TMEM39A: variants seen among roughly 807,000 people sequenced by gnomAD.
TMEM39A encodes the protein suppressor of SQST-1 aggregates in rpl-43 mutants.
TMEM39A carries 19 observed loss-of-function variants against 51.9 expected under a neutral mutation model. That is an observed-to-expected ratio of 0.37 (90% confidence interval 0.26 to 0.54). The LOEUF is 0.54. Among genes scored for constraint, TMEM39A ranks in the 20% least tolerant of loss-of-function variants. TMEM39A has a pLI of 0.88. For missense variants in TMEM39A, 433 were observed against 590.5 expected (o/e 0.73, Z 2.76); for synonymous variants, 197 against 220.2 (o/e 0.89, Z 0.93).
In TMEM39A at chr3:119,458,212, G is replaced by C; in HGVS notation, c.142C>G (p.Pro48Ala). Residue 48 changes from proline to alanine, a missense_variant, in exon 3 of 9, where the codon CCA becomes GCA. Pro to Ala is a conservative substitution (Grantham distance 27). This residue lies in a region of TMEM39A where 170 missense variants were observed against 239.8 expected (regional missense o/e 0.71). Coordinates refer to ENST00000319172, the MANE Select transcript of TMEM39A (RefSeq NM_018266.3). ...GGGGTGATTAAGGCTGTGATAGGTG[G>C]GACTGGAAGGCCAATAGCACTACCA... ...RNGSAIGLPV[P>A]PITALITPGP... 2.4e-5 allele frequency: 38 copies of C among 1,614,040 alleles called. No homozygotes were observed. The highest frequency in any genetic ancestry group is 3.2e-5 in the Non-Finnish European group (38 of 1,180,024).
intron 4 of TMEM39A, among the ~76,000 whole-genome samples, chr3:119,450,944 C>T (rs1266872735): frequency 6.6e-6 from 1 of 150,898 alleles, no homozygotes. Flanking sequence ...AGGTAGAAAT[C>T]CCAGTTTTGA....
intron 2 of TMEM39A, among the ~76,000 whole-genome samples, chr3:119,458,453 A>C (rs1444433153): frequency 6.6e-6 from 1 of 152,100 alleles, no homozygotes; most frequent in Non-Finnish European, 1.5e-5. Flanking sequence ...GAAGACTATA[A>C]TTTCTCTCCA....
rs146728582 is a variant in TMEM39A, at chr3:119,432,201, C to T, written c.1247G>A (p.Arg416Gln). The change falls in exon 9 of 9, where the codon CGA becomes CAA. Residue 416 changes from arginine to glutamine, a missense_variant. Arg to Gln is a conservative substitution (Grantham distance 43). This residue lies in a region of TMEM39A where 223 missense variants were observed against 328.1 expected (regional missense o/e 0.68). Transcript: ENST00000319172. Reference protein sequence around the residue: ...SHARFYFLFHRPLRLLNLLIL... With the variant: ...SHARFYFLFHQPLRLLNLLIL... ...GAGCAGATTTAACAGCCTTAATGGT[C>T]GATGAAATAAGAACTGTAAGGAAGT... 1.8e-4 allele frequency: 281 copies of T among 1,605,418 alleles called. No homozygotes were observed. The African/African-American group carries it at 3.4e-3, about 19-fold the overall frequency.
chr3:119,434,970 A>G, intron 7 of TMEM39A, 88 bp from the exon 8 acceptor site: 1 of 1,511,142 alleles, frequency 6.6e-7, no homozygotes, highest in Non-Finnish European at 8.9e-7. Context: ...TTATGGAAGG[A>G]ATTAAATAAT....
chr3:119,436,749 A>G (rs770947227), intron 7 of TMEM39A, 42 bp downstream of exon 7: 1 of 1,544,218 alleles, frequency 6.5e-7, no homozygotes, highest in East Asian at 2.3e-5. Flanking sequence ...GATCAGCAGC[A>G]TGTAGAAAGT....
rs1202454836 is a variant in TMEM39A at position 119,462,089 on chromosome 3, C to A, written c.-15G>T. On this transcript the variant is annotated 5_prime_UTR_variant, in exon 2 of 9. Transcript: ENST00000319172. ...CCACCGGGCATGTCCAGGAACCAGTCTGCTTCCAGTGCCACCTGTAGTTGC... is the reference window on the plus strand; with the variant it reads ...CCACCGGGCATGTCCAGGAACCAGTATGCTTCCAGTGCCACCTGTAGTTGC... 1 of 1,610,912 alleles carries A rather than the reference C, an allele frequency of 6.2e-7. No individual in the cohort carries two copies. Among genetic ancestry groups the A allele is most frequent in the Non-Finnish European group, 8.5e-7 (1 of 1,177,650 alleles).
At chr3:119,433,605 C>G (rs893786619) in intron 8 of TMEM39A, among the ~76,000 whole-genome samples, 4 of 152,146 alleles carry the variant, frequency 2.6e-5, no homozygotes, top group Non-Finnish European at 4.4e-5. Context: ...AACTATTTCG[C>G]TATCACAGGT....
intron 2 of TMEM39A, among the ~76,000 whole-genome samples, chr3:119,461,419 T>C (rs1011483136): frequency 6.6e-6 from 1 of 152,224 alleles, no homozygotes; most frequent in Non-Finnish European, 1.5e-5. Flanking sequence ...AGAAAAACTT[T>C]TTTCAGGGAG....
At chr3:119,458,342 C>T in intron 2 of TMEM39A, 102 bp from the exon 3 acceptor site, 1 of 943,340 alleles carries the variant, frequency 1.1e-6, no homozygotes, top group Non-Finnish European at 1.6e-6. Context: ...TCACTGTCTG[C>T]TTTCCCCACA....
intron 4 of TMEM39A, among the ~76,000 whole-genome samples, chr3:119,450,790 C>T (rs994666264): frequency 1.9e-4 from 23 of 122,944 alleles, no homozygotes; most frequent in African/African-American, 6.6e-4. Context: ...CACTGTGCTC[C>T]TGCTTCAACC....
At chr3:119,443,460 G>C (rs567031498) in intron 5 of TMEM39A, among the ~76,000 whole-genome samples, 9 of 152,276 alleles carry the variant, frequency 5.9e-5, no homozygotes, top group African/African-American at 1.4e-4. Context: ...CCACCACCCT[G>C]ATCAGTCAGC....
At chr3:119,441,163 G>A (rs1222742636) in intron 5 of TMEM39A, among the ~76,000 whole-genome samples, 1 of 152,012 alleles carries the variant, frequency 6.6e-6, no homozygotes, top group Non-Finnish European at 1.5e-5. Flanking sequence ...TTGAAATAAG[G>A]CCAACTAATA....
At chr3:119,446,871 T>C (rs1577057615) in intron 5 of TMEM39A, 147 bp downstream of exon 5, 2 of 930,734 alleles carry the variant, frequency 2.1e-6, no homozygotes, top group East Asian at 2.7e-5. Flanking sequence ...ACAAATTATA[T>C]GTTCACCATG....
At chr3:119,460,026 C>G (rs1030714521) in intron 2 of TMEM39A, among the ~76,000 whole-genome samples, 1 of 152,112 alleles carries the variant, frequency 6.6e-6, no homozygotes, top group Non-Finnish European at 1.5e-5. Context: ...TTGCTTCCCA[C>G]CAAGAAAGAA....
rs2080904359 is a variant in TMEM39A, at chr3:119,431,793, T to C, written c.*188A>G. On this transcript the variant is annotated 3_prime_UTR_variant, in exon 9 of 9. Transcript: ENST00000319172. ...CTCTCATATGTATATTATTCGAATA[T>C]ACTAACACATGAAAGATCACATCAC... 2.2e-6 allele frequency: 1 copy of C among 459,644 alleles called. No homozygotes were observed. 28.5% of individuals were successfully genotyped at this position (459,644 alleles called of 1,614,324 possible). A position where few individuals can be genotyped will look rare whatever the true frequency, so the allele number is the denominator to read the frequency against.
rs1427558769 is a variant in TMEM39A at position 119,436,878 on chromosome 3, T to C, written c.1025A>G (p.Tyr342Cys). ...MLTTQLLPSK[Y>C]CDLLHKSAAH... ...AGCTGATTTATGTAGCAAATCACAG[T>C]ATTTGGATGGCAACAGTTGCGTGGT... Residue 342 changes from tyrosine (Y) to cysteine (C), a missense_variant, in exon 7 of 9, where the codon TAC becomes TGC. By Grantham distance (194) the Tyr-to-Cys change is radical (BLOSUM62 -2). Coordinates refer to ENST00000319172, the MANE Select transcript of TMEM39A (RefSeq NM_018266.3). The C allele has an allele frequency of 6.2e-7, 1 of 1,614,002 alleles. No homozygotes were observed.
At chr3:119,445,528 G>A (rs1433980509) in intron 5 of TMEM39A, among the ~76,000 whole-genome samples, 1 of 152,192 alleles carries the variant, frequency 6.6e-6, no homozygotes, top group Non-Finnish European at 1.5e-5. Context: ...GCCTCCCAAA[G>A]TGCTAGGATT....
At chr3:119,438,294 C>A (rs900684303) in intron 5 of TMEM39A, among the ~76,000 whole-genome samples, 191 bp from the exon 6 acceptor site, 3 of 152,184 alleles carry the variant, frequency 2.0e-5, no homozygotes, top group Non-Finnish European at 2.9e-5. Context: ...TCCATAAGAG[C>A]AGTGCACATT....
chr3:119,448,771 G>A (rs1287302933), intron 4 of TMEM39A, among the ~76,000 whole-genome samples: 1 of 146,682 alleles, frequency 6.8e-6, no homozygotes, highest in African/African-American at 2.4e-5. Context: ...AAAGTTCAGG[G>A]TTAGAAATAA....
Sources: allele counts gnomAD v4.1 joint callset (sites outside exome capture counted in the v4.1 genomes callset), GRCh38; gene constraint gnomAD v4.1.1; regional missense constraint gnomAD v4.1.1; transcripts MANE v1.5; gene names NCBI Gene and HGNC (gene_info 2026-07-23, HGNC 2026-07-21).